The following DENND5B variants were observed in gnomAD, a reference collection of about 807,000 sequenced individuals.
The protein encoded by DENND5B is DENN domain-containing protein 5B.
Under a neutral mutation model 140.6 loss-of-function variants are expected in DENND5B, and 34 were observed. The ratio of observed to expected loss-of-function variants is 0.24; its 90% CI spans 0.18 to 0.32. The LOEUF (loss-of-function observed/expected upper bound fraction) is 0.32. DENND5B is among the 10% of genes least tolerant of loss of function. The pLI, the probability that DENND5B is intolerant of heterozygous loss-of-function variation, is 1.00. For synonymous variants in DENND5B, 551 were observed against 562.1 expected (o/e 0.98, Z 0.28); for missense variants, 1,142 against 1,560.2 (o/e 0.73, Z 4.52).
chr12:31,431,734 A>G (rs1943519759), intron 8 of DENND5B, among the ~76,000 whole-genome samples: 1 of 152,204 alleles, frequency 6.6e-6, no homozygotes, highest in African/African-American at 2.4e-5. Context: ...TTGTATATTT[A>G]ATACATTTCC....
chr12:31,524,176 A>G (rs1948004755), intron 1 of DENND5B, among the ~76,000 whole-genome samples: 1 of 151,986 alleles, frequency 6.6e-6, no homozygotes, highest in African/African-American at 2.4e-5. Context: ...TAATTTATGA[A>G]TTGTATTTTT....
intron 3 of DENND5B, among the ~76,000 whole-genome samples, chr12:31,478,991 A>T (rs1945949440): frequency 6.7e-6 from 1 of 150,084 alleles, no homozygotes; most frequent in Non-Finnish European, 1.5e-5. Flanking sequence ...ATTAAAAAAC[A>T]TAAACAAAAA....
intron 1 of DENND5B, among the ~76,000 whole-genome samples, chr12:31,513,763 T>C (rs1266086702): frequency 2.0e-5 from 3 of 152,144 alleles, no homozygotes; most frequent in African/African-American, 7.2e-5. Flanking sequence ...AAGGACCCCC[T>C]GCTCCTTTAA....
chr12:31,551,731 T>C lies in DENND5B; in HGVS notation c.127+38975A>G, dbSNP rs1324476798. ...TTCTTCCATTTGTTTGTATCTTCTT[T>C]TATTTCATTGAGCAGTGGTTTGTAG... is the stretch of plus-strand genomic sequence containing the variant. On this transcript the variant is annotated intron_variant, in intron 1 of 20. Coordinates refer to ENST00000389082, the MANE Select transcript of DENND5B (RefSeq NM_144973.4). Among the ~76,000 whole-genome samples the C allele has an allele frequency of 3.9e-5, 6 of 152,350 alleles. No individual in the cohort carries two copies. The South Asian group carries it at 1.2e-3, about 32-fold the overall frequency.
chr12:31,517,294 T>A (rs1472515734), intron 1 of DENND5B, among the ~76,000 whole-genome samples: 1 of 152,224 alleles, frequency 6.6e-6, no homozygotes, highest in Non-Finnish European at 1.5e-5. Flanking sequence ...TATAGGCAAA[T>A]GTTTGTTTTG....
At chr12:31,483,585 C>T (rs1424541730) in intron 2 of DENND5B, among the ~76,000 whole-genome samples, 1 of 151,800 alleles carries the variant, frequency 6.6e-6, no homozygotes, top group Non-Finnish European at 1.5e-5. Flanking sequence ...GGATTACAGG[C>T]GTCTGCCACT....
intron 1 of DENND5B, among the ~76,000 whole-genome samples, chr12:31,572,349 C>A (rs12302576): frequency 0.078 from 11,863 of 152,200 alleles, 1,062 homozygotes; most frequent in African/African-American, 0.22. Flanking sequence ...CAAAGTCCTA[C>A]AGCTTCATTG....
chr12:31,591,009 A>AC lies in DENND5B; in HGVS notation c.-178_-177insG. Reference sequence around the variant, plus strand: ...CCTGCCTCCTCGCTCGGCGCGGGGGAAGCGGCCGCGGGCTCGCGCGCGGCG... The same window carrying AC: ...CCTGCCTCCTCGCTCGGCGCGGGGGACAGCGGCCGCGGGCTCGCGCGCGGCG... On this transcript the variant is annotated 5_prime_UTR_variant, in exon 1 of 21. Transcript: ENST00000389082. The AC allele has an allele frequency of 1.5e-6, 1 of 677,700 alleles. No individual in the cohort carries two copies. The highest frequency in any genetic ancestry group is 1.8e-6 in the Non-Finnish European group (1 of 545,732). The allele number at this position is 677,700 out of a possible 1,614,324, so 42.0% of individuals were successfully genotyped here. A position where few individuals can be genotyped will look rare whatever the true frequency, so the allele number is the denominator to read the frequency against.
chr12:31,558,955 T>G (rs1234560572), intron 1 of DENND5B, among the ~76,000 whole-genome samples: 2 of 152,180 alleles, frequency 1.3e-5, no homozygotes, highest in African/African-American at 4.8e-5. Flanking sequence ...CATTACCTTT[T>G]TGTAATACGA....
chr12:31,577,901 G>C (rs970573375), intron 1 of DENND5B, among the ~76,000 whole-genome samples: 2 of 151,728 alleles, frequency 1.3e-5, no homozygotes, highest in African/African-American at 4.8e-5. Context: ...GAGGCAGACT[G>C]ATAGCTTGAG....
chr12:31,389,143 G>A (rs1381011511), intron 20 of DENND5B, among the ~76,000 whole-genome samples, 181 bp downstream of exon 20: 1 of 152,182 alleles, frequency 6.6e-6, no homozygotes, highest in Admixed American at 6.5e-5. Flanking sequence ...GTTGCAGTGA[G>A]CCAAGATTAT....
chr12:31,447,190 GA>G (rs1268773122), intron 6 of DENND5B, among the ~76,000 whole-genome samples: 1 of 151,980 alleles, frequency 6.6e-6, no homozygotes, highest in East Asian at 1.9e-4. Context: ...AGAAACATTT[GA>G]ACCCAGGAGG....
intron 1 of DENND5B, chr12:31,499,684 A>G: frequency 1.4e-6 from 2 of 1,443,718 alleles, no homozygotes; most frequent in Non-Finnish European, 1.8e-6. Context: ...ACATAATGTA[A>G]CAGAAACAAA....
intron 1 of DENND5B, among the ~76,000 whole-genome samples, chr12:31,569,931 C>T (rs547436726): frequency 6.6e-6 from 1 of 151,928 alleles, no homozygotes; most frequent in Non-Finnish European, 1.5e-5. Context: ...TGCGGTGGCT[C>T]ATGCCTGTAA....
chr12:31,554,541 C>G (rs973466590), intron 1 of DENND5B, among the ~76,000 whole-genome samples: 1 of 152,106 alleles, frequency 6.6e-6, no homozygotes. Flanking sequence ...AATTATGTGT[C>G]TTGGAGTTGC....
intron 11 of DENND5B, among the ~76,000 whole-genome samples, chr12:31,421,318 T>TA (rs1386131506): frequency 6.6e-6 from 1 of 152,172 alleles, no homozygotes; most frequent in Non-Finnish European, 1.5e-5. Flanking sequence ...GTGCTAGGAT[T>TA]ACAGGCATGA....
intron 14 of DENND5B, among the ~76,000 whole-genome samples, chr12:31,404,161 G>A (rs1428159162): frequency 1.3e-5 from 2 of 151,864 alleles, no homozygotes; most frequent in Non-Finnish European, 2.9e-5. Context: ...GGAGGTCAAG[G>A]ATGCAGTGAA....
At chr12:31,522,598 T>C (rs1150949) in intron 1 of DENND5B, among the ~76,000 whole-genome samples, 96,435 of 151,924 alleles carry the variant, frequency 0.63, 30,780 homozygotes, top group Admixed American at 0.74. Context: ...GCACACACCA[T>C]CATGCCCGGC....
At chr12:31,433,811 T>G (rs796963) in intron 7 of DENND5B, among the ~76,000 whole-genome samples, 140,272 of 152,158 alleles carry the variant, frequency 0.92, 65,257 homozygotes, top group East Asian at 0.99. Context: ...TTGAGGCCAG[T>G]AGTTCGAGAC....
Sources: gnomAD v4.1 joint callset for allele counts (sites outside exome capture counted in the v4.1 genomes callset) on GRCh38, gnomAD v4.1.1 for gene constraint, MANE v1.5 for transcripts, NCBI Gene and HGNC (gene_info 2026-07-23, HGNC 2026-07-21) for gene names.